The following ATRNL1 variants were observed in gnomAD, a reference collection of about 807,000 sequenced individuals.
ATRNL1 encodes attractin-like protein 1.
ATRNL1 carries 95 observed loss-of-function variants against 182.7 expected under a neutral mutation model. That is an observed-to-expected ratio of 0.52 (90% CI 0.44 to 0.62). The LOEUF (loss-of-function observed/expected upper bound fraction) is 0.62. Among genes scored for constraint, ATRNL1 ranks in the 20% least tolerant of loss-of-function variants. ATRNL1 has a pLI of 0.00. For synonymous variants in ATRNL1, 576 were observed against 568.3 expected, an observed-to-expected ratio of 1.01 and a Z score of -0.19; for missense variants, 1,471 against 1,679.5, an observed-to-expected ratio of 0.88 and a Z score of 2.17.
rs1373789516 is a variant in ATRNL1, at chr10:115,821,863, T to A, written c.3904-26014T>A. Among the ~76,000 whole-genome samples the A allele has an allele frequency of 2.0e-5, 3 of 151,656 alleles. 1 individual carries two copies. In the East Asian group the frequency reaches 5.8e-4, roughly 29 times the overall value. On this transcript the variant is annotated intron_variant, in intron 27 of 28. Coordinates refer to ENST00000355044, the MANE Select transcript of ATRNL1 (RefSeq NM_207303.4). ...CACTTTAACACCCCACTGTCAATGT[T>A]AGAGCAACAAGACAGAAAATTAACA...
intron 28 of ATRNL1, among the ~76,000 whole-genome samples, chr10:115,888,668 G>A (rs782505266): frequency 7.9e-5 from 12 of 152,106 alleles, no homozygotes; most frequent in South Asian, 2.1e-4. Context: ...ATTAATCAAC[G>A]TAAGTAACCA....
At chr10:115,801,896 C>G (rs1476779732) in intron 27 of ATRNL1, among the ~76,000 whole-genome samples, 1 of 151,980 alleles carries the variant, frequency 6.6e-6, no homozygotes, top group Non-Finnish European at 1.5e-5. Flanking sequence ...AAACCTTCAG[C>G]TTGTGTGTCT....
intron 5 of ATRNL1, among the ~76,000 whole-genome samples, chr10:115,154,422 A>T (rs958962076): frequency 1.3e-5 from 2 of 152,116 alleles, no homozygotes; most frequent in Admixed American, 6.6e-5. Flanking sequence ...AATTTAGGAT[A>T]GTTAGCTCTT....
chr10:115,670,002 TGATA>T (rs1555040905), intron 26 of ATRNL1, among the ~76,000 whole-genome samples: 2 of 152,110 alleles, frequency 1.3e-5, no homozygotes, highest in African/African-American at 4.8e-5. Context: ...TTTTCACATT[TGATA>T]GATGTAAAAA....
intron 27 of ATRNL1, among the ~76,000 whole-genome samples, chr10:115,786,824 A>G (rs1351661750): frequency 6.6e-6 from 1 of 152,160 alleles, no homozygotes; most frequent in Non-Finnish European, 1.5e-5. Context: ...TACTATCTGC[A>G]TTCTATTTCT....
At chr10:115,868,888 G>A (rs1298293390) in intron 28 of ATRNL1, among the ~76,000 whole-genome samples, 2 of 130,682 alleles carry the variant, frequency 1.5e-5, no homozygotes, top group African/African-American at 5.8e-5. Flanking sequence ...GGAGTGCAGT[G>A]GCGCGATCTC....
chr10:115,244,349 T>C (rs2133825705), intron 10 of ATRNL1, among the ~76,000 whole-genome samples: 1 of 152,328 alleles, frequency 6.6e-6, no homozygotes, highest in South Asian at 2.1e-4. Context: ...GCCTTCACAG[T>C]TCCCATTCTA....
intron 21 of ATRNL1, among the ~76,000 whole-genome samples, chr10:115,443,949 A>G (rs1846831671): frequency 1.3e-5 from 2 of 152,100 alleles, no homozygotes. Context: ...TAGACTTAAT[A>G]TGTGGAGCAA....
intron 26 of ATRNL1, among the ~76,000 whole-genome samples, chr10:115,678,665 C>G (rs1945946427): frequency 6.6e-6 from 1 of 152,024 alleles, no homozygotes; most frequent in Non-Finnish European, 1.5e-5. Context: ...TATTATCTGT[C>G]CCCTTCCAAA....
chr10:115,835,904 C>T (rs577692360), intron 27 of ATRNL1, among the ~76,000 whole-genome samples: 13 of 152,294 alleles, frequency 8.5e-5, no homozygotes, highest in Non-Finnish European at 1.2e-4. Flanking sequence ...CCCACTCAGG[C>T]AGAGGCTGCC....
chr10:115,467,346 T>A, intron 23 of ATRNL1, 94 bp downstream of exon 23: 1 of 828,026 alleles, frequency 1.2e-6, no homozygotes, highest in African/African-American at 1.8e-5. Flanking sequence ...TTTGAAATTT[T>A]AAAAATGTTA....
At chr10:115,464,614 A>G in intron 22 of ATRNL1, among the ~76,000 whole-genome samples, 1 of 151,970 alleles carries the variant, frequency 6.6e-6, no homozygotes, top group East Asian at 1.9e-4. Flanking sequence ...AGAATGAACT[A>G]AAAATTCAAA....
chr10:115,287,614 A>G (rs1554919443), intron 15 of ATRNL1, among the ~76,000 whole-genome samples: 1 of 152,104 alleles, frequency 6.6e-6, no homozygotes, highest in East Asian at 1.9e-4. Context: ...TGGGGTACAT[A>G]GTGCTGGTTT....
chr10:115,624,835 T>C (rs1455722581), intron 26 of ATRNL1, among the ~76,000 whole-genome samples: 3 of 152,212 alleles, frequency 2.0e-5, no homozygotes, highest in African/African-American at 4.8e-5. Flanking sequence ...GAATAACTTC[T>C]ACTCGTCTTT....
At chr10:115,818,052 T>A (rs2134274522) in intron 27 of ATRNL1, among the ~76,000 whole-genome samples, 1 of 152,160 alleles carries the variant, frequency 6.6e-6, no homozygotes, top group African/African-American at 2.4e-5. Context: ...CGTTCTCCAT[T>A]CCCTCCTCTT....
chr10:115,521,415 A>C (rs1850928057), intron 25 of ATRNL1, among the ~76,000 whole-genome samples: 1 of 152,130 alleles, frequency 6.6e-6, no homozygotes, highest in South Asian at 2.1e-4. Context: ...GGCCTCCCAA[A>C]GTGCTGGGAT....
chr10:115,119,610 AT>A (rs1309728200), intron 1 of ATRNL1, among the ~76,000 whole-genome samples: 14 of 151,982 alleles, frequency 9.2e-5, no homozygotes, highest in African/African-American at 2.9e-4. Context: ...AGAAGATACA[AT>A]TTTTTTTATT....
chr10:115,935,634 G>A (rs781919723), intron 28 of ATRNL1, among the ~76,000 whole-genome samples: 18 of 152,148 alleles, frequency 1.2e-4, no homozygotes, highest in Admixed American at 3.3e-4. Flanking sequence ...TAACCGCTCC[G>A]TGCCTCATTT....
At chr10:115,469,357 T>A in intron 24 of ATRNL1, 28 bp downstream of exon 24, 1 of 1,418,538 alleles carries the variant, frequency 7.0e-7, no homozygotes, top group East Asian at 2.7e-5. Flanking sequence ...TTACTTCTAA[T>A]GACCATAATA....
Sources: allele counts gnomAD v4.1 joint callset (sites outside exome capture counted in the v4.1 genomes callset), GRCh38; gene constraint gnomAD v4.1.1; transcripts MANE v1.5; gene names NCBI Gene and HGNC (gene_info 2026-07-23, HGNC 2026-07-21).